The following ADAMTS17 variants were observed in gnomAD, a reference collection of about 807,000 sequenced individuals.
ADAMTS17 encodes ADAM metallopeptidase with thrombospondin type 1 motif 17, also known as A disintegrin and metalloproteinase with thrombospondin motifs 17.
In ADAMTS17, 113 loss-of-function variants were observed where a neutral mutation model predicts 141.5. That is an observed-to-expected ratio of 0.80 (90% CI 0.69 to 0.93). The LOEUF is 0.93. Among genes scored for constraint, ADAMTS17 ranks in the 40% least tolerant of loss-of-function variants. The pLI is 0.00. For synonymous variants in ADAMTS17, 768 were observed against 630.6 expected (o/e 1.22, Z -3.27); for missense variants, 1,659 against 1,517.9 (o/e 1.09, Z -1.54).
chr15:100,093,489 C>T (rs539833076), intron 15 of ADAMTS17, among the ~76,000 whole-genome samples: 3 of 152,298 alleles, frequency 2.0e-5, no homozygotes, highest in African/African-American at 2.4e-5. Flanking sequence ...ACTGATAGGC[C>T]TGGTGAATCC....
chr15:100,341,526 C>T, intron 1 of ADAMTS17, 117 bp from the exon 2 acceptor site: 2 of 952,836 alleles, frequency 2.1e-6, no homozygotes, highest in South Asian at 4.9e-5. Context: ...GCGCTGCCTT[C>T]CCTTCCCTCG....
In ADAMTS17 at chr15:100,233,186, C is replaced by A. The variant is rs562200280; in HGVS notation, c.1075+20950G>T. Among the ~76,000 whole-genome samples, 9 of 152,218 alleles carry A rather than the reference C, an allele frequency of 5.9e-5. 2 individuals carry two copies. The South Asian group carries it at 1.9e-3, about 32-fold the overall frequency. On this transcript the variant is annotated intron_variant, in intron 7 of 21. Coordinates refer to ENST00000268070, the MANE Select transcript of ADAMTS17 (RefSeq NM_139057.4). ...TCTACTAAAAAGACAAAAAATGAGTCGGGCGTGGGGACGGACGCCTGTAAC... is the reference window on the plus strand; with the variant it reads ...TCTACTAAAAAGACAAAAAATGAGTAGGGCGTGGGGACGGACGCCTGTAAC...
chr15:100,086,438 G>A (rs959724921), intron 15 of ADAMTS17, among the ~76,000 whole-genome samples: 29 of 151,916 alleles, frequency 1.9e-4, no homozygotes, highest in Non-Finnish European at 2.8e-4. Flanking sequence ...ACAGATCAAC[G>A]AGACAGACAG....
chr15:100,085,395 C>G (rs200994271), intron 15 of ADAMTS17, among the ~76,000 whole-genome samples: 2 of 123,884 alleles, frequency 1.6e-5, no homozygotes, highest in Admixed American at 8.3e-5. Context: ...ACGAGGAGAA[C>G]GCAACCAAGT....
At chr15:100,090,355 T>TG (rs1338225667) in intron 15 of ADAMTS17, among the ~76,000 whole-genome samples, 16 of 152,206 alleles carry the variant, frequency 1.1e-4, no homozygotes, top group Admixed American at 7.8e-4. Context: ...AAGCTGCTGT[T>TG]GTATGGAAAC....
rs376602139 is a variant in ADAMTS17 at position 100,183,903 on chromosome 15, C to A, written c.1181+15415G>T. Among the ~76,000 whole-genome samples, 38 of 152,290 alleles carry A rather than the reference C, an allele frequency of 2.5e-4. No individual in the cohort carries two copies. The South Asian group carries it at 7.9e-3, about 32-fold the overall frequency. The stretch of plus-strand genomic sequence containing the variant: ...GGTATCGTTGAGGCTCCTCTTCAGT[C>A]GCTGCTGGTGATATCTGTGGGGGTG... On this transcript the variant is annotated intron_variant, in intron 8 of 21. Coordinates refer to ENST00000268070, the MANE Select transcript of ADAMTS17 (RefSeq NM_139057.4).
In ADAMTS17 at chr15:100,155,243, C is replaced by T. The variant is rs1275541759; in HGVS notation, c.1259G>A (p.Gly420Asp). ...SHIMSGEWVKGRNPSDLSWSS... is the reference protein window; with the variant it reads ...SHIMSGEWVKDRNPSDLSWSS... Reference sequence around the variant, plus strand: ...CCAAGAGAGGTCACTTGGGTTCCGGCCTTTCACCCACTCTCCTGACATGAT... The same window carrying T: ...CCAAGAGAGGTCACTTGGGTTCCGGTCTTTCACCCACTCTCCTGACATGAT... Residue 420 changes from glycine (G) to aspartate (D), a missense_variant, in exon 9 of 22, where the codon GGC (glycine) becomes GAC (aspartate). Gly to Asp is a moderately conservative substitution (Grantham distance 94). Coordinates refer to ENST00000268070, the MANE Select transcript of ADAMTS17 (RefSeq NM_139057.4). 6.2e-7 allele frequency: 1 copy of T among 1,614,090 alleles called. No homozygotes were observed. Among genetic ancestry groups the T allele is most frequent in the Non-Finnish European group, 8.5e-7 (1 of 1,180,048 alleles).
chr15:100,197,636 T>C (rs1281342632), intron 8 of ADAMTS17, among the ~76,000 whole-genome samples: 2 of 152,200 alleles, frequency 1.3e-5, no homozygotes, highest in African/African-American at 4.8e-5. Flanking sequence ...AGACAACTTC[T>C]CATCTTGCTT....
intron 2 of ADAMTS17, 36 bp from the exon 3 acceptor site, chr15:100,331,090 A>T (rs1331467264): frequency 6.2e-7 from 1 of 1,613,266 alleles, no homozygotes; most frequent in South Asian, 1.1e-5. Flanking sequence ...GATGTCGGTC[A>T]TCCTCACTCA....
At chr15:100,255,233 G>C (rs2043285406) in intron 6 of ADAMTS17, among the ~76,000 whole-genome samples, 1 of 152,058 alleles carries the variant, frequency 6.6e-6, no homozygotes, top group African/African-American at 2.4e-5. Context: ...CATGGTCAGG[G>C]ATCAACCACA....
intron 14 of ADAMTS17, among the ~76,000 whole-genome samples, chr15:100,104,472 CCTG>C (rs772034049): frequency 1.1e-4 from 17 of 152,166 alleles, no homozygotes; most frequent in African/African-American, 4.1e-4. Context: ...TTTGAATCAG[CCTG>C]CTATTTGGAG....
chr15:100,236,109 C>T (rs1410579785), intron 7 of ADAMTS17, among the ~76,000 whole-genome samples: 1 of 152,062 alleles, frequency 6.6e-6, no homozygotes, highest in Admixed American at 6.6e-5. Flanking sequence ...TTGGGTCAGA[C>T]GCCAGAGTCG....
intron 10 of ADAMTS17, among the ~76,000 whole-genome samples, chr15:100,152,118 T>C (rs1359661920): frequency 6.6e-6 from 1 of 152,260 alleles, no homozygotes; most frequent in Non-Finnish European, 1.5e-5. Context: ...AACTGTTTAA[T>C]GGGGTTATTA....
rs528918950 is a variant in ADAMTS17, at chr15:100,191,485, T to A, written c.1181+7833A>T. The stretch of plus-strand genomic sequence containing the variant: ...CTGGCCTGGTGGGATTTGGGAAGGC[T>A]GTGGCTGAGATCCTCTTTGGAACAG... On this transcript the variant is annotated intron_variant, in intron 8 of 21. Transcript: ENST00000268070. Among the ~76,000 whole-genome samples, 4 of 152,344 alleles carry A rather than the reference T, an allele frequency of 2.6e-5. No individual in the cohort carries two copies. The East Asian group carries it at 7.7e-4, about 29-fold the overall frequency.
At chr15:100,015,274 G>C (rs1284822887) in intron 18 of ADAMTS17, among the ~76,000 whole-genome samples, 1 of 152,132 alleles carries the variant, frequency 6.6e-6, no homozygotes, top group Non-Finnish European at 1.5e-5. Context: ...GCAGATGGTT[G>C]GTTGGTGAGT....
chr15:100,320,034 A>G (rs200769317), intron 3 of ADAMTS17, among the ~76,000 whole-genome samples: 1 of 152,198 alleles, frequency 6.6e-6, no homozygotes, highest in Admixed American at 6.6e-5. Flanking sequence ...AGAATCAGAT[A>G]TAACTTCTAA....
At chr15:100,331,837 C>T (rs562775541) in intron 2 of ADAMTS17, among the ~76,000 whole-genome samples, 2 of 152,280 alleles carry the variant, frequency 1.3e-5, no homozygotes, top group South Asian at 4.1e-4. Flanking sequence ...ACCTGGAGGT[C>T]CTGCTGGAGC....
At chr15:100,014,792 C>A (rs1376909513) in intron 18 of ADAMTS17, among the ~76,000 whole-genome samples, 2 of 152,124 alleles carry the variant, frequency 1.3e-5, no homozygotes, top group East Asian at 1.9e-4. Flanking sequence ...TACGGTCTAT[C>A]TTGGAGAAAG....
chr15:100,146,177 A>C (rs1237089218), intron 10 of ADAMTS17, among the ~76,000 whole-genome samples: 1 of 152,230 alleles, frequency 6.6e-6, no homozygotes, highest in Admixed American at 6.5e-5. Flanking sequence ...CCATCTCCAA[A>C]AAAACAAAAA....
Sources: gnomAD v4.1 joint callset for allele counts (sites outside exome capture counted in the v4.1 genomes callset) on GRCh38, gnomAD v4.1.1 for gene constraint, MANE v1.5 for transcripts, NCBI Gene and HGNC (gene_info 2026-07-23, HGNC 2026-07-21) for gene names.